Variants in UBXN4 observed in about 807,000 individuals in gnomAD.
UBXN4 encodes the protein UBX domain protein 4, also known as UBX domain-containing protein 4.
In UBXN4, 35 loss-of-function variants were observed where a neutral mutation model predicts 66.2. The observed-to-expected ratio is 0.53, with a 90% CI of 0.40 to 0.70. The LOEUF (loss-of-function observed/expected upper bound fraction) is 0.70, where lower values mean the gene tolerates loss of function less well. Ranked by LOEUF, UBXN4 falls within the 30% of genes least tolerant of loss-of-function variation. The pLI is 0.00. For missense variants in UBXN4, 533 were observed against 599.8 expected (o/e 0.89, Z 1.16); for synonymous variants, 203 against 204.5 (o/e 0.99, Z 0.06).
chr2:135,750,574 A>G (rs1368163631), intron 2 of UBXN4, among the ~76,000 whole-genome samples: 5 of 152,194 alleles, frequency 3.3e-5, no homozygotes, highest in Admixed American at 6.5e-5. Flanking sequence ...AACTTTATGT[A>G]AAAATTTTCT....
At chr2:135,763,912 G>T (rs1187089995) in intron 6 of UBXN4, among the ~76,000 whole-genome samples, 1 of 151,930 alleles carries the variant, frequency 6.6e-6, no homozygotes, top group African/African-American at 2.4e-5. Context: ...ATCATTTGAG[G>T]CCGGGAGTTC....
chr2:135,745,673 AT>A (rs1467020458), intron 1 of UBXN4, among the ~76,000 whole-genome samples: 1 of 152,052 alleles, frequency 6.6e-6, no homozygotes, highest in Non-Finnish European at 1.5e-5. Context: ...ATATTCTCAT[AT>A]ACTTATTTTT....
At chr2:135,752,154 TCTC>T (rs2077246580) in intron 2 of UBXN4, among the ~76,000 whole-genome samples, 1 of 152,106 alleles carries the variant, frequency 6.6e-6, no homozygotes, top group Non-Finnish European at 1.5e-5. Flanking sequence ...TTCATGCAGT[TCTC>T]CTGTGTCAGC....
At chr2:135,743,736 G>A (rs1251331663) in intron 1 of UBXN4, among the ~76,000 whole-genome samples, 2 of 151,862 alleles carry the variant, frequency 1.3e-5, no homozygotes, top group African/African-American at 4.8e-5. Flanking sequence ...GCACTCTTGA[G>A]GTAAATCAGT....
At chr2:135,759,505 C>G (rs1490833147) in intron 5 of UBXN4, among the ~76,000 whole-genome samples, 2 of 152,118 alleles carry the variant, frequency 1.3e-5, no homozygotes, top group South Asian at 2.1e-4. Flanking sequence ...TACTGCATCC[C>G]CATGGAATTG....
rs572103450 is a variant in UBXN4 at position 135,759,319 on chromosome 2, A to G, written c.509-2499A>G. Among the ~76,000 whole-genome samples, 4 of 151,726 alleles carry G rather than the reference A, an allele frequency of 2.6e-5. No homozygotes were observed. The East Asian group carries it at 7.7e-4, about 29-fold the overall frequency. The stretch of plus-strand genomic sequence containing the variant: ...CAACAATACTATTATCAAAGCCAGA[A>G]AGCTTAATAGTAATCCTTTTTGTCA... On this transcript the variant is annotated intron_variant, in intron 5 of 12. Transcript: ENST00000272638.
At chr2:135,765,123 A>G (rs1300054760) in intron 6 of UBXN4, among the ~76,000 whole-genome samples, 6 of 152,022 alleles carry the variant, frequency 3.9e-5, no homozygotes, top group Non-Finnish European at 8.8e-5. Context: ...CAGGATATAC[A>G]ATGTTTCACT....
At chr2:135,744,455 C>A (rs1165613340) in intron 1 of UBXN4, among the ~76,000 whole-genome samples, 1 of 151,266 alleles carries the variant, frequency 6.6e-6, no homozygotes, top group East Asian at 1.9e-4. Context: ...AAACGATATT[C>A]ATTTAATACT....
At chr2:135,748,847 C>G (rs1261126002) in intron 2 of UBXN4, among the ~76,000 whole-genome samples, 3 of 151,588 alleles carry the variant, frequency 2.0e-5, no homozygotes, top group Admixed American at 2.0e-4. Flanking sequence ...CTGGGCAACA[C>G]AGTGAGACCT....
intron 9 of UBXN4, among the ~76,000 whole-genome samples, chr2:135,775,603 G>T (rs892126784): frequency 6.6e-6 from 1 of 152,166 alleles, no homozygotes; most frequent in East Asian, 1.9e-4. Context: ...AGAGATAGTA[G>T]ATTAGTGGTT....
chr2:135,761,230 ATCT>A (rs2077313761), intron 5 of UBXN4, among the ~76,000 whole-genome samples: 1 of 152,212 alleles, frequency 6.6e-6, no homozygotes, highest in Non-Finnish European at 1.5e-5. Context: ...ACAAAAGTCT[ATCT>A]TTCAGGAAAT....
intron 3 of UBXN4, 112 bp from the exon 4 acceptor site, chr2:135,754,047 G>C: frequency 1.3e-6 from 1 of 765,512 alleles, no homozygotes; most frequent in East Asian, 2.6e-5. Context: ...ATAAATGTTA[G>C]ATTATATTGT....
intron 6 of UBXN4, among the ~76,000 whole-genome samples, chr2:135,765,144 A>T (rs2077339240): frequency 6.6e-6 from 1 of 152,018 alleles, no homozygotes; most frequent in Non-Finnish European, 1.5e-5. Flanking sequence ...AAAGTAACAG[A>T]TGTGAAATAG....
At chr2:135,762,161 G>A (rs945988697) in intron 6 of UBXN4, among the ~76,000 whole-genome samples, 1 of 152,100 alleles carries the variant, frequency 6.6e-6, no homozygotes, top group Non-Finnish European at 1.5e-5. Context: ...TGGTATTTTG[G>A]TACATGGGTG....
At chr2:135,751,817 T>C (rs1166871016) in intron 2 of UBXN4, among the ~76,000 whole-genome samples, 1 of 152,048 alleles carries the variant, frequency 6.6e-6, no homozygotes, top group Non-Finnish European at 1.5e-5. Flanking sequence ...TAATGCTTTA[T>C]ATTTGAGGGA....
chr2:135,778,901 T>G (rs1387928117), intron 10 of UBXN4, 47 bp from the exon 11 acceptor site: 9 of 1,546,560 alleles, frequency 5.8e-6, no homozygotes, highest in Non-Finnish European at 7.9e-6. Context: ...CTGAGTAATA[T>G]CTTACTTTTA....
chr2:135,773,287 C>T (rs2077394677), intron 9 of UBXN4, among the ~76,000 whole-genome samples: 1 of 152,178 alleles, frequency 6.6e-6, no homozygotes, highest in African/African-American at 2.4e-5. Context: ...ATTTCTCTCT[C>T]TCTTTTTAAT....
Position 135,751,784 on chromosome 2 carries a change from GT to G in UBXN4, c.186-1750del, listed in dbSNP as rs543476879. Among the ~76,000 whole-genome samples the G allele has an allele frequency of 1.2e-4, 18 of 151,654 alleles. No individual in the cohort carries two copies. In the South Asian group the frequency reaches 2.9e-3, roughly 25 times the overall value. On this transcript the variant is annotated intron_variant, in intron 2 of 12. Coordinates refer to ENST00000272638, the MANE Select transcript of UBXN4 (RefSeq NM_014607.4). ...ATTTTTTTTCTTGATTTTTTACTAT[GT>G]TTTTAAATGTTTTTATGATAATAAT...
At chr2:135,759,646 A>ATT (rs1306844211) in intron 5 of UBXN4, among the ~76,000 whole-genome samples, 1 of 152,090 alleles carries the variant, frequency 6.6e-6, no homozygotes, top group African/African-American at 2.4e-5. Context: ...CAGGAGATAC[A>ATT]TTATGCCTGT....
Sources: allele counts gnomAD v4.1 joint callset (sites outside exome capture counted in the v4.1 genomes callset), GRCh38; gene constraint gnomAD v4.1.1; transcripts MANE v1.5; gene names NCBI Gene and HGNC (gene_info 2026-07-23, HGNC 2026-07-21).